The following SPAG16 variants were observed in gnomAD, a reference collection of about 807,000 sequenced individuals.
The protein encoded by SPAG16 is sperm associated antigen 16.
A neutral mutation model predicts 80.4 loss-of-function variants in SPAG16; 86 were observed. The ratio of observed to expected loss-of-function variants is 1.07; its 90% CI spans 0.90 to 1.28. SPAG16 has a LOEUF of 1.28. Among genes scored for constraint, SPAG16 ranks in the 50% most tolerant of loss-of-function variants. SPAG16 has a pLI of 0.00. For missense variants in SPAG16, 870 were observed against 765.3 expected, an observed-to-expected ratio of 1.14 and a Z score of -1.61; for synonymous variants, 294 against 265.9, an observed-to-expected ratio of 1.11 and a Z score of -1.03.
intron 10 of SPAG16, among the ~76,000 whole-genome samples, chr2:213,547,339 C>A (rs540171867): frequency 5.9e-5 from 9 of 151,980 alleles, no homozygotes; most frequent in Non-Finnish European, 1.3e-4. Flanking sequence ...TTAAATCCTT[C>A]CCTTGCATTT....
intron 10 of SPAG16, among the ~76,000 whole-genome samples, chr2:213,643,118 T>A (rs903371269): frequency 6.6e-6 from 1 of 150,860 alleles, no homozygotes; most frequent in Non-Finnish European, 1.5e-5. Flanking sequence ...CTCTGGCTAA[T>A]ACAACAGGTC....
At chr2:214,295,364 AAC>A (rs1378968679) in intron 15 of SPAG16, among the ~76,000 whole-genome samples, 1 of 152,198 alleles carries the variant, frequency 6.6e-6, no homozygotes, top group Non-Finnish European at 1.5e-5. Context: ...ACTCTAATGA[AAC>A]AGTTTTTGCT....
intron 13 of SPAG16, among the ~76,000 whole-genome samples, chr2:214,030,781 C>T (rs1399522260): frequency 2.0e-5 from 3 of 152,160 alleles, no homozygotes; most frequent in Admixed American, 1.3e-4. Context: ...TACTGCAATT[C>T]CTGGGTCCCT....
rs1335890490 is a variant in SPAG16 at position 214,355,615 on chromosome 2, C to T, written c.1721-54525C>T. ...TCAACCATTGTGGAAGTCAGTGTGG[C>T]GATTCCTCAGGGATCTAGAACTAGA... On this transcript the variant is annotated intron_variant, in intron 15 of 15. Coordinates refer to ENST00000331683, the MANE Select transcript of SPAG16 (RefSeq NM_024532.5). Among the ~76,000 whole-genome samples, 187 of 146,354 alleles carry T rather than the reference C, an allele frequency of 1.3e-3. 1 individual carries two copies. The highest frequency in any genetic ancestry group is 4.4e-3 in the African/African-American group (179 of 40,624).
intron 9 of SPAG16, among the ~76,000 whole-genome samples, chr2:213,378,657 C>T (rs773540055): frequency 4.6e-5 from 7 of 152,322 alleles, no homozygotes; most frequent in Middle Eastern, 6.8e-3. Context: ...TTACAGTCCT[C>T]GTTTCTGCAG....
intron 10 of SPAG16, among the ~76,000 whole-genome samples, chr2:213,623,056 C>T (rs569001452): frequency 1.3e-4 from 20 of 152,228 alleles, no homozygotes; most frequent in South Asian, 4.1e-4. Flanking sequence ...ATCATTCTCA[C>T]GCCTCCATTT....
intron 15 of SPAG16, among the ~76,000 whole-genome samples, chr2:214,258,494 C>T (rs139787985): frequency 0.072 from 8,673 of 121,046 alleles, 902 homozygotes; most frequent in African/African-American, 0.23. Context: ...TATATATACA[C>T]ACACACATAT....
intron 10 of SPAG16, among the ~76,000 whole-genome samples, chr2:213,573,139 G>C (rs2059985348): frequency 6.6e-6 from 1 of 152,090 alleles, no homozygotes; most frequent in Non-Finnish European, 1.5e-5. Flanking sequence ...CCACTGTCTG[G>C]CACTCCCTAG....
intron 10 of SPAG16, among the ~76,000 whole-genome samples, chr2:213,816,216 G>A (rs2072526684): frequency 6.6e-6 from 1 of 152,094 alleles, no homozygotes; most frequent in Non-Finnish European, 1.5e-5. Flanking sequence ...TATTTTGTGT[G>A]AGTTACATCC....
rs183625498 is a variant in SPAG16, at chr2:213,458,524, A to T, written c.943-31439A>T. Among the ~76,000 whole-genome samples, 29 of 152,322 alleles carry T rather than the reference A, an allele frequency of 1.9e-4. No homozygotes were observed. In the East Asian group the frequency reaches 5.6e-3, roughly 29 times the overall value. On this transcript the variant is annotated intron_variant, in intron 9 of 15. Coordinates refer to ENST00000331683, the MANE Select transcript of SPAG16 (RefSeq NM_024532.5). Reference sequence around the variant, plus strand: ...GAGGCGGACGTGGCAGTGAGCTGAGATCGCGCCGCTGCACTCCAGCGTGGG... The same window carrying T: ...GAGGCGGACGTGGCAGTGAGCTGAGTTCGCGCCGCTGCACTCCAGCGTGGG...
chr2:213,496,748 A>T (rs6650781), intron 10 of SPAG16, among the ~76,000 whole-genome samples: 40,721 of 150,546 alleles, frequency 0.27, 6,403 homozygotes, highest in Middle Eastern at 0.45. Context: ...TTAATTATAT[A>T]TATCCATATA....
chr2:214,009,701 C>CA (rs1285448140), intron 12 of SPAG16, among the ~76,000 whole-genome samples: 6 of 151,846 alleles, frequency 4.0e-5, no homozygotes, highest in African/African-American at 4.8e-5. Flanking sequence ...GAAAGTAAAG[C>CA]AAAAAAATGG....
intron 10 of SPAG16, among the ~76,000 whole-genome samples, chr2:213,612,380 T>C (rs1381150429): frequency 6.6e-6 from 1 of 152,226 alleles, no homozygotes; most frequent in Non-Finnish European, 1.5e-5. Context: ...CTCAGAATTA[T>C]ATCTTCTTTA....
intron 14 of SPAG16, among the ~76,000 whole-genome samples, chr2:214,123,703 G>C (rs2054333724): frequency 1.3e-5 from 2 of 151,874 alleles, no homozygotes; most frequent in Non-Finnish European, 2.9e-5. Context: ...GTGAGAGTTG[G>C]GGCTTAAAAT....
chr2:214,365,812 CT>C (rs1699442496), intron 15 of SPAG16, among the ~76,000 whole-genome samples: 1 of 152,118 alleles, frequency 6.6e-6, no homozygotes. Flanking sequence ...AGATCTGTTT[CT>C]TTCTACAAGT....
At chr2:213,871,194 G>T (rs1327789162) in intron 11 of SPAG16, among the ~76,000 whole-genome samples, 2 of 151,928 alleles carry the variant, frequency 1.3e-5, no homozygotes, top group African/African-American at 4.8e-5. Context: ...ATTACACCAA[G>T]AATAAATTTC....
At chr2:213,351,933 C>T (rs113684786) in intron 7 of SPAG16, among the ~76,000 whole-genome samples, 201 of 152,152 alleles carry the variant, frequency 1.3e-3, no homozygotes, top group Non-Finnish European at 2.2e-3. Flanking sequence ...GTGTCAAGGG[C>T]GGGACCAGGT....
intron 9 of SPAG16, among the ~76,000 whole-genome samples, chr2:213,486,519 A>G (rs2073981840): frequency 6.6e-6 from 1 of 152,140 alleles, no homozygotes; most frequent in South Asian, 2.1e-4. Flanking sequence ...AAATCCTGTC[A>G]TTTGCAGCAA....
intron 15 of SPAG16, among the ~76,000 whole-genome samples, chr2:214,179,864 A>G (rs576862835): frequency 1.3e-5 from 2 of 151,514 alleles, no homozygotes; most frequent in African/African-American, 4.8e-5. Flanking sequence ...AAATGGTTTT[A>G]TGTGCTTAGA....
Sources: gnomAD v4.1 joint callset for allele counts (sites outside exome capture counted in the v4.1 genomes callset) on GRCh38, gnomAD v4.1.1 for gene constraint, MANE v1.5 for transcripts, NCBI Gene and HGNC (gene_info 2026-07-23, HGNC 2026-07-21) for gene names.